RPS6KC1: variants seen among roughly 807,000 people sequenced by gnomAD.
The protein encoded by RPS6KC1 is ribosomal protein S6 kinase C1, also known as inactive ribosomal protein S6 kinase delta-1.
A neutral mutation model predicts 103.8 loss-of-function variants in RPS6KC1; 54 were observed. The observed-to-expected ratio is 0.52, with a 90% CI of 0.42 to 0.65. The LOEUF is 0.65. Among genes scored for constraint, RPS6KC1 ranks in the 30% least tolerant of loss-of-function variants. RPS6KC1 has a pLI of 0.00. For missense variants in RPS6KC1, 1,151 were observed against 1,253.8 expected, an observed-to-expected ratio of 0.92 and a Z score of 1.24; for synonymous variants, 439 against 438.7, an observed-to-expected ratio of 1.00 and a Z score of -0.01.
chr1:213,218,416 A>G (rs1430583364), intron 8 of RPS6KC1, among the ~76,000 whole-genome samples: 1 of 152,194 alleles, frequency 6.6e-6, no homozygotes, highest in Non-Finnish European at 1.5e-5. Context: ...GGGTAGGAAG[A>G]ATCAATATTG....
At chr1:213,799,063 T>C in the RPS6KC1 span, among the ~76,000 whole-genome samples, 2 of 152,204 alleles carry the variant, frequency 1.3e-5, no homozygotes, top group African/African-American at 4.8e-5. Flanking sequence ...TTAATTTGGC[T>C]GGGTTAAGGT....
Position 213,152,684 on chromosome 1 carries a change from C to T in RPS6KC1, c.836-15174C>T, listed in dbSNP as rs1377515900. Reference sequence around the variant, plus strand: ...GCTCCTCACTTCCTAGATGTGATGGCGGCCGGGCAGAGGTGCTCCTCACTT... The same window carrying T: ...GCTCCTCACTTCCTAGATGTGATGGTGGCCGGGCAGAGGTGCTCCTCACTT... On this transcript the variant is annotated intron_variant, in intron 6 of 14. Transcript: ENST00000366960. Among the ~76,000 whole-genome samples the T allele has an allele frequency of 4.8e-4, 73 of 151,932 alleles. 1 individual carries two copies. The highest frequency in any genetic ancestry group is 3.3e-3 in the Admixed American group (51 of 15,266).
the RPS6KC1 span, among the ~76,000 whole-genome samples, chr1:213,667,210 GTTACAGCAGAGGGAAAAT>G: frequency 2.0e-5 from 3 of 152,160 alleles, no homozygotes; most frequent in Non-Finnish European, 2.9e-5. Context: ...GTTCTGTGAA[GTTACAGCAGAGGGAAAAT>G]GGGAGGGAGT....
At chr1:213,375,273 A>T in the RPS6KC1 span, among the ~76,000 whole-genome samples, 3,106 of 152,186 alleles carry the variant, frequency 0.02, 84 homozygotes, top group African/African-American at 0.066. Context: ...ACATATACAC[A>T]TACATATATA....
At chr1:213,583,536 C>T in the RPS6KC1 span, among the ~76,000 whole-genome samples, 2 of 152,056 alleles carry the variant, frequency 1.3e-5, no homozygotes, top group African/African-American at 2.4e-5. Context: ...AATACAGATT[C>T]CAGGCTGGGC....
Position 213,071,024 on chromosome 1 carries a change from C to A in RPS6KC1, c.124C>A (p.Pro42Thr), listed in dbSNP as rs56087470. ...VTARVVSRRNPEDVQEIIVWK... is the reference protein window; with the variant it reads ...VTARVVSRRNTEDVQEIIVWK... ...GTTTTAGGTTGTTTCACGAAGAAAT[C>A]CAGAGGATGTCCAGGAGGTAACATT... is the stretch of plus-strand genomic sequence containing the variant. Residue 42 changes from proline to threonine, a missense_variant, in exon 2 of 15, where the codon CCA (proline) becomes ACA (threonine). Coordinates refer to ENST00000366960, the MANE Select transcript of RPS6KC1 (RefSeq NM_012424.6). 4,570 of 1,541,346 alleles carry A rather than the reference C, an allele frequency of 3.0e-3. 7 individuals are homozygous for A. The highest frequency in any genetic ancestry group is 3.6e-3 in the Non-Finnish European group (4,111 of 1,132,624).
chr1:213,808,568 G>A, the RPS6KC1 span, among the ~76,000 whole-genome samples: 27 of 152,352 alleles, frequency 1.8e-4, no homozygotes, highest in Admixed American at 9.1e-4. Flanking sequence ...CTCCGTGGGC[G>A]TAGGACCCTC....
intron 12 of RPS6KC1, among the ~76,000 whole-genome samples, chr1:213,260,424 CTCTTTT>C (rs918492375): frequency 6.6e-5 from 10 of 152,140 alleles, no homozygotes; most frequent in African/African-American, 1.4e-4. Context: ...ACAGGAATGG[CTCTTTT>C]TCTTTTTCTG....
chr1:213,451,316 G>A, the RPS6KC1 span, among the ~76,000 whole-genome samples: 1 of 152,196 alleles, frequency 6.6e-6, no homozygotes, highest in Admixed American at 6.5e-5. Context: ...TGGGTCACCT[G>A]GATTCTCAGT....
chr1:213,397,873 G>A, the RPS6KC1 span, among the ~76,000 whole-genome samples: 1 of 152,072 alleles, frequency 6.6e-6, no homozygotes, highest in Non-Finnish European at 1.5e-5. Flanking sequence ...AGGCTATTCC[G>A]ATCCCAACAA....
chr1:213,559,274 C>CTGCCTGACACA, the RPS6KC1 span, among the ~76,000 whole-genome samples: 1 of 152,326 alleles, frequency 6.6e-6, no homozygotes, highest in South Asian at 2.1e-4. Flanking sequence ...GGCCACCACA[C>CTGCCTGACACA]TGCCCAGTGG....
At chr1:213,376,986 C>T in the RPS6KC1 span, among the ~76,000 whole-genome samples, 1 of 152,158 alleles carries the variant, frequency 6.6e-6, no homozygotes, top group Non-Finnish European at 1.5e-5. Flanking sequence ...CATTCCTGAC[C>T]ACCTTGCACT....
the RPS6KC1 span, among the ~76,000 whole-genome samples, chr1:213,728,682 T>G: frequency 3.3e-5 from 5 of 151,924 alleles, no homozygotes; most frequent in Non-Finnish European, 4.4e-5. Context: ...AGCTCCACAC[T>G]TGGGTTGAAA....
intron 12 of RPS6KC1, among the ~76,000 whole-genome samples, chr1:213,245,902 A>G (rs1375397138): frequency 2.0e-5 from 3 of 152,184 alleles, no homozygotes; most frequent in African/African-American, 7.2e-5. Context: ...TAGATTTTAA[A>G]AAGTCATAAT....
chr1:213,169,696 A>G (rs1414722095), intron 7 of RPS6KC1, among the ~76,000 whole-genome samples: 1 of 152,050 alleles, frequency 6.6e-6, no homozygotes, highest in East Asian at 1.9e-4. Context: ...TGAAAGCATT[A>G]ACATAATTCC....
chr1:213,735,130 A>C, the RPS6KC1 span, among the ~76,000 whole-genome samples: 2 of 152,132 alleles, frequency 1.3e-5, no homozygotes, highest in African/African-American at 4.8e-5. Flanking sequence ...TCACAGTGTT[A>C]GCCAGGATGG....
At chr1:213,123,703 G>A (rs539551629) in intron 5 of RPS6KC1, among the ~76,000 whole-genome samples, 57 of 152,204 alleles carry the variant, frequency 3.7e-4, no homozygotes, top group African/African-American at 1.3e-3. Flanking sequence ...TGTTCTACTG[G>A]CTAGATAACT....
the RPS6KC1 span, among the ~76,000 whole-genome samples, chr1:213,811,598 A>G: frequency 6.6e-6 from 1 of 152,292 alleles, no homozygotes; most frequent in African/African-American, 2.4e-5. Context: ...TTCCAGGAGG[A>G]CTCATGAAGG....
intron 8 of RPS6KC1, among the ~76,000 whole-genome samples, chr1:213,219,158 A>C (rs1196869523): frequency 6.6e-6 from 1 of 152,244 alleles, no homozygotes; most frequent in East Asian, 1.9e-4. Flanking sequence ...ACTCCAACAA[A>C]TTTACAAGAA....
Sources: gnomAD v4.1 joint callset for allele counts (sites outside exome capture counted in the v4.1 genomes callset) on GRCh38, gnomAD v4.1.1 for gene constraint, MANE v1.5 for transcripts, NCBI Gene and HGNC (gene_info 2026-07-23, HGNC 2026-07-21) for gene names.